The following BCOR variants were observed in gnomAD, a reference collection of about 807,000 sequenced individuals.
BCOR encodes BCL6 corepressor, also known as BCL-6 corepressor.
In BCOR, 10 loss-of-function variants were observed where a neutral mutation model predicts 86.7. That is an observed-to-expected ratio of 0.12 (90% confidence interval 0.07 to 0.20). BCOR has a LOEUF of 0.20. Ranked by LOEUF, BCOR falls within the 10% of genes least tolerant of loss-of-function variation. BCOR has a pLI of 1.00. For synonymous variants in BCOR, 611 were observed against 609.0 expected, an observed-to-expected ratio of 1.00 and a Z score of -0.05; for missense variants, 1,259 against 1,452.1, an observed-to-expected ratio of 0.87 and a Z score of 2.16.
intron 1 of BCOR, among the ~76,000 whole-genome samples, chrX:40,143,356 A>G (rs1004444603): frequency 8.9e-6 from 1 of 112,500 alleles, no homozygotes; most frequent in East Asian, 2.8e-4. Flanking sequence ...AAGGTCTTTG[A>G]ATTCATTTAT....
chrX:40,097,991 C>G (rs1304356583), upstream of BCOR, among the ~76,000 whole-genome samples: 3 of 107,906 alleles, frequency 2.8e-5, no homozygotes, highest in South Asian at 8.3e-4. Context: ...ACGCGTCCCC[C>G]CTCCCTGGTT....
intron 1 of BCOR, among the ~76,000 whole-genome samples, chrX:40,134,598 G>A (rs899182434): frequency 9.0e-6 from 1 of 111,600 alleles, no homozygotes; most frequent in Non-Finnish European, 1.9e-5. Context: ...ATTCCAGCCT[G>A]GGTGACAGAA....
chrX:40,139,394 CATATAT>C lies in BCOR; in HGVS notation c.-41+37607_-41+37612del, dbSNP rs57283656. ...TATATATATATATATAATATATATA[CATATAT>C]ATATATATATATATAATATATATAC... On this transcript the variant is annotated intron_variant, in intron 1 of 14. Coordinates refer to the BCOR transcript ENST00000342274. Among the ~76,000 whole-genome samples, 3 of 4,896 alleles carry C rather than the reference CATATAT, an allele frequency of 6.1e-4. 1 individual carries two copies. The highest frequency in any genetic ancestry group is 1.4e-3 in the African/African-American group (3 of 2,070). 4.3% of individuals were successfully genotyped at this position (4,896 alleles called of 115,157 possible). A position where few individuals can be genotyped will look rare whatever the true frequency, so the allele number is the denominator to read the frequency against.
intron 1 of BCOR, among the ~76,000 whole-genome samples, chrX:40,092,002 G>C (rs1386962967): frequency 8.9e-6 from 1 of 112,773 alleles, no homozygotes; most frequent in Non-Finnish European, 1.9e-5. Flanking sequence ...GGCGGCCCCC[G>C]GGGCACGAGT....
intron 1 of BCOR, among the ~76,000 whole-genome samples, chrX:40,081,423 G>A (rs1936104544): frequency 8.9e-6 from 1 of 112,346 alleles, no homozygotes; most frequent in Admixed American, 9.3e-5. Context: ...AGCTGCTGTT[G>A]AAATAGCTGG....
chrX:40,089,411 T>C (rs73468235), intron 1 of BCOR, among the ~76,000 whole-genome samples: 1,321 of 111,774 alleles, frequency 0.012, 30 homozygotes, highest in African/African-American at 0.04. Context: ...GATTTTCACA[T>C]ACTGTCTCCT....
intron 1 of BCOR, among the ~76,000 whole-genome samples, chrX:40,173,157 A>T (rs1370095052): frequency 8.9e-6 from 1 of 111,823 alleles, no homozygotes; most frequent in Non-Finnish European, 1.9e-5. Context: ...TTTCATTACA[A>T]AACGCTAGAG....
At chrX:40,066,700 T>G (rs1298179525) in intron 6 of BCOR, among the ~76,000 whole-genome samples, 1 of 111,870 alleles carries the variant, frequency 8.9e-6, no homozygotes, top group Non-Finnish European at 1.9e-5. Context: ...ATGTAAAGAC[T>G]GTGTTACGAA....
At position 40,073,411 on chromosome X, in the gene BCOR, T is replaced by A; in HGVS notation, c.1935A>T (p.Ala645=). The A allele has an allele frequency of 4.9e-6, 6 of 1,212,356 alleles. No homozygotes were observed. Among genetic ancestry groups the A allele is most frequent in the Non-Finnish European group, 6.7e-6 (6 of 895,630 alleles). Residue 645 remains alanine, a synonymous_variant, in exon 4 of 15, where the codon GCA becomes GCT. Transcript: ENST00000378444. The part of the protein sequence containing the change: ...PSSIFLSPNE[A]FRSPPIPYPR... ...GGTAGGGAATTGGTGGGGACCTGAA[T>A]GCCTCATTTGGAGACAGAAATATAG...
intron 1 of BCOR, among the ~76,000 whole-genome samples, chrX:40,088,850 TC>T (rs1480663814): frequency 3.6e-5 from 4 of 111,318 alleles, no homozygotes; most frequent in Non-Finnish European, 7.6e-5. Context: ...GCACCGTGGT[TC>T]CCCCCTGAAA....
intron 1 of BCOR, among the ~76,000 whole-genome samples, chrX:40,144,316 A>C (rs898777673): frequency 2.1e-4 from 23 of 112,035 alleles, no homozygotes; most frequent in African/African-American, 7.2e-4. Flanking sequence ...AAGAAGGCCA[A>C]TTTATAGAAA....
chrX:40,062,017 C>T, intron 10 of BCOR, 122 bp downstream of exon 10: 3 of 923,487 alleles, frequency 3.2e-6, no homozygotes, highest in South Asian at 4.3e-5. Context: ...TGTTGGAGCA[C>T]CGGCCCAGCC....
rs2147253570 is a variant in BCOR, at chrX:40,074,295, C to T, written c.1051G>A (p.Ala351Thr). 3 of 1,212,139 alleles carry T rather than the reference C, an allele frequency of 2.5e-6. No homozygotes were observed. Among genetic ancestry groups the T allele is most frequent in the Non-Finnish European group, 3.3e-6 (3 of 895,641 alleles). The part of the protein sequence containing the change: ...PRVHLPTQPA[A>T]DTYSEFHKHY... ...TTGTGGAACTCCGAGTAGGTGTCTG[C>T]AGCAGGCTGGGTGGGAAGGTGGACT... is the stretch of plus-strand genomic sequence containing the variant. Residue 351 changes from alanine (A) to threonine (T), a missense_variant, in exon 4 of 15, where the codon GCA (alanine) becomes ACA (threonine). Transcript: ENST00000378444.
chrX:40,161,662 C>T (rs1416100336), intron 1 of BCOR, among the ~76,000 whole-genome samples: 9 of 107,455 alleles, frequency 8.4e-5, no homozygotes, highest in Admixed American at 3.0e-4. Flanking sequence ...TACAGGCGCC[C>T]GCCATCACGC....
chrX:40,061,889 C>G (rs1263757167), intron 10 of BCOR, among the ~76,000 whole-genome samples: 1 of 111,354 alleles, frequency 9.0e-6, no homozygotes, highest in Non-Finnish European at 1.9e-5. Context: ...CTGGAGGATG[C>G]CGTAGCAGCC....
intron 1 of BCOR, among the ~76,000 whole-genome samples, chrX:40,085,520 C>A (rs958010882): frequency 8.9e-6 from 1 of 111,784 alleles, no homozygotes; most frequent in Non-Finnish European, 1.9e-5. Flanking sequence ...CCCAGCTCCC[C>A]ATCGGAAACC....
chrX:40,172,263 C>A (rs1938640363), intron 1 of BCOR, among the ~76,000 whole-genome samples: 1 of 112,464 alleles, frequency 8.9e-6, no homozygotes, highest in South Asian at 3.6e-4. Flanking sequence ...CAGGCCCCAC[C>A]GCCCGGTCCT....
rs768850633 is a variant in BCOR, at chrX:40,064,225, C to T, written c.3502+111G>A. 8.3e-5 allele frequency: 91 copies of T among 1,097,633 alleles called. No homozygotes were observed. In the African/African-American group the frequency reaches 1.0e-3, roughly 12 times the overall value. 90.5% of individuals were successfully genotyped at this position (1,097,633 alleles called of 1,213,427 possible). On this transcript the variant is annotated intron_variant, in intron 7 of 14. Transcript: ENST00000378444. ...CTGCGCCCCCACGGCTTCCCCTCAC[C>T]GACTCTGTCTACGGGGGCAGCGCGC...
intron 6 of BCOR, among the ~76,000 whole-genome samples, chrX:40,068,461 C>G (rs180784287): frequency 1.9e-4 from 21 of 112,229 alleles, no homozygotes; most frequent in Non-Finnish European, 3.2e-4. Context: ...GCCAAGAAGT[C>G]CCATGAAACC....
Sources: gnomAD v4.1 joint callset for allele counts (sites outside exome capture counted in the v4.1 genomes callset) on GRCh38, gnomAD v4.1.1 for gene constraint, MANE v1.5 for transcripts, NCBI Gene and HGNC (gene_info 2026-07-23, HGNC 2026-07-21) for gene names.